WTIP: variants seen among roughly 807,000 people sequenced by gnomAD.
WTIP encodes the protein Wilms tumor protein 1-interacting protein.
In WTIP, 23 loss-of-function variants were observed where a neutral mutation model predicts 41.7. That is an observed-to-expected ratio of 0.55 (90% CI 0.40 to 0.78). The LOEUF (loss-of-function observed/expected upper bound fraction) is 0.78. Ranked by LOEUF, WTIP falls within the 30% of genes least tolerant of loss-of-function variation. The probability of loss-of-function intolerance (pLI) is 0.00; values close to 1 mark genes in which losing one functional copy is unlikely to be tolerated. For synonymous variants in WTIP, 314 were observed against 269.9 expected (o/e 1.16, Z -1.60); for missense variants, 619 against 610.5 (o/e 1.01, Z -0.15).
At chr19:34,497,870 C>T (rs2145608683) in intron 7 of WTIP, among the ~76,000 whole-genome samples, 2 of 152,360 alleles carry the variant, frequency 1.3e-5, no homozygotes, top group East Asian at 3.9e-4. Flanking sequence ...CTGGGCCGTC[C>T]TGTGGACTGT....
chr19:34,490,651 T>C (rs555416328), intron 2 of WTIP, among the ~76,000 whole-genome samples, 174 bp downstream of exon 2: 11 of 152,152 alleles, frequency 7.2e-5, no homozygotes, highest in Non-Finnish European at 1.5e-4. Context: ...GAGGAGCCTT[T>C]TGCTGGCTGT....
chr19:34,484,044 A>G (rs2075785036), intron 1 of WTIP, among the ~76,000 whole-genome samples: 1 of 147,196 alleles, frequency 6.8e-6, no homozygotes, highest in Non-Finnish European at 1.5e-5. Flanking sequence ...CTCCTGCCTC[A>G]GCCTCCCCAG....
At chr19:34,488,691 T>C (rs947301407) in intron 1 of WTIP, among the ~76,000 whole-genome samples, 3 of 151,756 alleles carry the variant, frequency 2.0e-5, no homozygotes, top group African/African-American at 7.3e-5. Flanking sequence ...CTTCAGGCCT[T>C]TGCTCAAGTA....
At position 34,493,014 on chromosome 19, in the gene WTIP, C is replaced by A. The variant is rs1171790548; in HGVS notation, c.770-23C>A. The A allele has an allele frequency of 1.2e-5, 20 of 1,613,642 alleles. 1 individual carries two copies. Among genetic ancestry groups the A allele is most frequent in the African/African-American group, 1.2e-4 (9 of 74,918 alleles). Reference sequence around the variant, plus strand: ...CCTGGTCCCCAGCGTTCCAGGGACCCCTCTCAACCCTCACCCTTGCAGGGA... The same window carrying A: ...CCTGGTCCCCAGCGTTCCAGGGACCACTCTCAACCCTCACCCTTGCAGGGA... On this transcript the variant is annotated intron_variant, in intron 2 of 7. Coordinates refer to ENST00000590071, the MANE Select transcript of WTIP (RefSeq NM_001080436.2). The surrounding 1 kb of genome is among the most constrained non-coding windows in gnomAD (Gnocchi z 4.1).
intron 7 of WTIP, chr19:34,498,413 C>T (rs1403327335): frequency 1.3e-5 from 2 of 152,728 alleles, no homozygotes; most frequent in Non-Finnish European, 2.9e-5. Flanking sequence ...GCCGCTCCCT[C>T]CTCCACCCAC....
rs914421516 is a variant in WTIP at position 34,481,970 on chromosome 19, G to A, written c.-5G>A. Reference sequence around the variant, plus strand: ...GGTGACGCGCCAGGGCCGGCGGGCCGGGCCATGCAGCGCTCCAGGGCGGGC... The same window carrying A: ...GGTGACGCGCCAGGGCCGGCGGGCCAGGCCATGCAGCGCTCCAGGGCGGGC... On this transcript the variant is annotated 5_prime_UTR_variant, in exon 1 of 8. Coordinates refer to ENST00000590071, the MANE Select transcript of WTIP (RefSeq NM_001080436.2). 8.0e-6 allele frequency: 8 copies of A among 1,003,982 alleles called. No homozygotes were observed. The Admixed American group carries it at 3.6e-4, about 45-fold the overall frequency. 62.2% of individuals were successfully genotyped at this position (1,003,982 alleles called of 1,614,324 possible). A position where few individuals can be genotyped will look rare whatever the true frequency, so the allele number is the denominator to read the frequency against.
At chr19:34,486,205 G>A (rs193084339) in intron 1 of WTIP, among the ~76,000 whole-genome samples, 53 of 152,094 alleles carry the variant, frequency 3.5e-4, no homozygotes, top group Admixed American at 9.8e-4. Context: ...ATCGCCGTCT[G>A]CCCAGCAGAA....
chr19:34,481,945 G>A lies in WTIP; in HGVS notation c.-30G>A. 1 of 993,822 alleles carries A rather than the reference G, an allele frequency of 1.0e-6. No individual in the cohort carries two copies. The highest frequency in any genetic ancestry group is 1.2e-6 in the Non-Finnish European group (1 of 836,474). 61.6% of individuals were successfully genotyped at this position (993,822 alleles called of 1,614,324 possible). The stretch of plus-strand genomic sequence containing the variant: ...AGCGGCGGCGGGAAGCGGAGGCGGA[G>A]GTGACGCGCCAGGGCCGGCGGGCCG... On this transcript the variant is annotated 5_prime_UTR_variant, in exon 1 of 8. Coordinates refer to ENST00000590071, the MANE Select transcript of WTIP (RefSeq NM_001080436.2).
At chr19:34,497,431 C>T (rs1184632874) in intron 7 of WTIP, among the ~76,000 whole-genome samples, 4 of 152,166 alleles carry the variant, frequency 2.6e-5, no homozygotes, top group East Asian at 3.8e-4. Context: ...TCTCTTCCTC[C>T]GTTCTGGCGG....
intron 7 of WTIP, among the ~76,000 whole-genome samples, chr19:34,497,019 C>T (rs1462686159): frequency 6.6e-6 from 1 of 152,162 alleles, no homozygotes; most frequent in African/African-American, 2.4e-5. Flanking sequence ...CCCACCACCA[C>T]ACCCGGCTAG....
At chr19:34,492,877 T>C (rs1317518187) in intron 2 of WTIP, among the ~76,000 whole-genome samples, 160 bp from the exon 3 acceptor site, 1 of 152,172 alleles carries the variant, frequency 6.6e-6, no homozygotes, top group Non-Finnish European at 1.5e-5. Flanking sequence ...TCTGAAATTT[T>C]GTTATTATAA....
At chr19:34,494,101 C>T (rs2075840514) in intron 5 of WTIP, among the ~76,000 whole-genome samples, 1 of 152,178 alleles carries the variant, frequency 6.6e-6, no homozygotes, top group Non-Finnish European at 1.5e-5. Flanking sequence ...GCAGAGGTCC[C>T]TGGTACTCAG....
At chr19:34,486,278 C>T (rs1298069963) in intron 1 of WTIP, among the ~76,000 whole-genome samples, 2 of 152,048 alleles carry the variant, frequency 1.3e-5, no homozygotes, top group Non-Finnish European at 2.9e-5. Flanking sequence ...GGGAAGGGCT[C>T]TGAGGAACCC....
rs2075903978 is a variant in WTIP at position 34,504,711 on chromosome 19, G to A, written c.*4442G>A. 2 of 152,538 alleles carry A rather than the reference G, an allele frequency of 1.3e-5. No homozygotes were observed. The highest frequency in any genetic ancestry group is 4.8e-5 in the African/African-American group (2 of 41,390). 9.4% of individuals were successfully genotyped at this position (152,538 alleles called of 1,614,324 possible). ...AGAGGGTGACTGGGGGTTGGGGTGA[G>A]TTGGGTAGGGTGCAGCTGTGCTCAT... On this transcript the variant is annotated 3_prime_UTR_variant, in exon 8 of 8. Transcript: ENST00000590071.
At chr19:34,499,338 C>G (rs2075872042) in intron 7 of WTIP, among the ~76,000 whole-genome samples, 1 of 151,894 alleles carries the variant, frequency 6.6e-6, no homozygotes, top group Non-Finnish European at 1.5e-5. Flanking sequence ...GAAACCCCAT[C>G]ACTACAAAAA....
chr19:34,482,708 G>C, intron 1 of WTIP, 67 bp downstream of exon 1: 1 of 1,213,222 alleles, frequency 8.2e-7, no homozygotes, highest in Non-Finnish European at 1.0e-6. Flanking sequence ...AGACTGCCTC[G>C]GGTAGGCGGC....
Position 34,494,217 on chromosome 19 carries a change from A to G in WTIP, c.1032-369A>G, listed in dbSNP as rs111386435. ...AGATGGCAGAGCAGAACCTGAAGGC[A>G]TCCTGGAGGAGGTGATTGGGTGGAG... On this transcript the variant is annotated intron_variant, in intron 5 of 7. Coordinates refer to ENST00000590071, the MANE Select transcript of WTIP (RefSeq NM_001080436.2). 6.1e-3 allele frequency among the ~76,000 whole-genome samples: 932 copies of G among 152,226 alleles called. 7 individuals are homozygous for G. Among genetic ancestry groups the G allele is most frequent in the African/African-American group, 0.022 (899 of 41,546 alleles).
In WTIP at chr19:34,511,643, T is replaced by C. The variant is rs1204534640; in HGVS notation, c.*11374T>C. 1 of 152,190 alleles carries C rather than the reference T, an allele frequency of 6.6e-6. No homozygotes were observed. Among genetic ancestry groups the C allele is most frequent in the African/African-American group, 2.4e-5 (1 of 41,446 alleles). 9.4% of individuals were successfully genotyped at this position (152,190 alleles called of 1,614,324 possible). On this transcript the variant is annotated 3_prime_UTR_variant, in exon 8 of 8. Coordinates refer to ENST00000590071, the MANE Select transcript of WTIP (RefSeq NM_001080436.2). ...TGCCAAGCAGTGTTCCCATCAATCA[T>C]AGGAAAATACCATTTCCCGCATCCT...
chr19:34,493,698 C>T lies in WTIP; in HGVS notation c.1031+76C>T. 6.3e-7 allele frequency: 1 copy of T among 1,586,064 alleles called. No individual in the cohort carries two copies. The highest frequency in any genetic ancestry group is 8.6e-7 in the Non-Finnish European group (1 of 1,163,192). On this transcript the variant is annotated intron_variant, in intron 5 of 7. Coordinates refer to ENST00000590071, the MANE Select transcript of WTIP (RefSeq NM_001080436.2). The surrounding 1 kb of genome is among the most constrained non-coding windows in gnomAD (Gnocchi z 4.1). ...CTCCTCTGGAAGCATTTTTTTCCTG[C>T]TGGACTGACTGCCCTTTGTTCTTGG...
Sources: allele counts gnomAD v4.1 joint callset (sites outside exome capture counted in the v4.1 genomes callset), GRCh38; gene constraint gnomAD v4.1.1; non-coding constraint Gnocchi (gnomAD v3.1); transcripts MANE v1.5; gene names NCBI Gene and HGNC (gene_info 2026-07-23, HGNC 2026-07-21).